RUNX2: variants seen among roughly 807,000 people sequenced by gnomAD.
The protein encoded by RUNX2 is runt-related transcription factor 2.
RUNX2 carries 10 observed loss-of-function variants against 51.7 expected under a neutral mutation model. The observed-to-expected ratio is 0.19, with a 90% CI of 0.12 to 0.33. RUNX2 has a LOEUF of 0.33. RUNX2 is among the 10% of genes least tolerant of loss of function. The pLI, the probability that RUNX2 is intolerant of heterozygous loss-of-function variation, is 1.00. For synonymous variants in RUNX2, 276 were observed against 273.6 expected (o/e 1.01, Z -0.09); for missense variants, 562 against 691.3 (o/e 0.81, Z 2.10).
At chr6:45,397,251 C>A (rs557978553) in intron 2 of RUNX2, among the ~76,000 whole-genome samples, 1 of 151,904 alleles carries the variant, frequency 6.6e-6, no homozygotes, top group Non-Finnish European at 1.5e-5. Context: ...CTACAGGGGC[C>A]CACCACCACG....
At chr6:45,340,176 T>C (rs1415320308) in intron 2 of RUNX2, among the ~76,000 whole-genome samples, 1 of 152,176 alleles carries the variant, frequency 6.6e-6, no homozygotes. Flanking sequence ...TCTAAAGTTA[T>C]TAAACCAATA....
chr6:45,382,429 T>A (rs1797261087), intron 2 of RUNX2, among the ~76,000 whole-genome samples: 1 of 152,218 alleles, frequency 6.6e-6, no homozygotes, highest in Non-Finnish European at 1.5e-5. Context: ...ATGGGGAAGA[T>A]GTCATTTTTA....
At chr6:45,466,336 A>G (rs1443113479) in intron 5 of RUNX2, among the ~76,000 whole-genome samples, 1 of 152,130 alleles carries the variant, frequency 6.6e-6, no homozygotes, top group African/African-American at 2.4e-5. Context: ...AAAACTAAAA[A>G]TAATAACTAA....
intron 5 of RUNX2, among the ~76,000 whole-genome samples, chr6:45,438,425 G>C (rs775906241): frequency 1.3e-5 from 2 of 152,194 alleles, no homozygotes; most frequent in African/African-American, 4.8e-5. Context: ...TAGTCAAAAA[G>C]CACTGGCATG....
chr6:45,465,282 T>C (rs1799595426), intron 5 of RUNX2, among the ~76,000 whole-genome samples: 1 of 152,160 alleles, frequency 6.6e-6, no homozygotes, highest in South Asian at 2.1e-4. Flanking sequence ...CTCAGCAAGA[T>C]CATCTAAGGG....
At chr6:45,504,332 C>G (rs1380142264) in intron 6 of RUNX2, among the ~76,000 whole-genome samples, 1 of 152,216 alleles carries the variant, frequency 6.6e-6, no homozygotes, top group Non-Finnish European at 1.5e-5. Context: ...TGGTTAGCAT[C>G]ATAGCATTTT....
chr6:45,540,252 C>A (rs1802176480), intron 7 of RUNX2, among the ~76,000 whole-genome samples: 1 of 152,186 alleles, frequency 6.6e-6, no homozygotes, highest in Admixed American at 6.5e-5. Flanking sequence ...TGAAAGGTGG[C>A]TGGCCTATGC....
intron 2 of RUNX2, among the ~76,000 whole-genome samples, chr6:45,393,969 T>C (rs1797529260): frequency 6.7e-6 from 1 of 149,550 alleles, no homozygotes; most frequent in South Asian, 2.1e-4. Flanking sequence ...TGCCCAGGCG[T>C]GATCTCGGCT....
chr6:45,357,085 C>G (rs1167232197), intron 2 of RUNX2, among the ~76,000 whole-genome samples: 3 of 152,160 alleles, frequency 2.0e-5, no homozygotes, highest in Non-Finnish European at 4.4e-5. Context: ...CGGCTCACTG[C>G]AAGCTCCGCC....
Position 45,541,708 on chromosome 6 carries a change from C to T in RUNX2, c.1022-3509C>T, listed in dbSNP as rs1802234532. Among the ~76,000 whole-genome samples the T allele has an allele frequency of 2.6e-5, 4 of 152,140 alleles. No individual in the cohort carries two copies. In the South Asian group the frequency reaches 8.3e-4, roughly 32 times the overall value. On this transcript the variant is annotated intron_variant, in intron 7 of 8. Coordinates refer to ENST00000647337, the MANE Select transcript of RUNX2 (RefSeq NM_001024630.4). ...ATATGTTCAGTCTGGATTCAAGGCC[C>T]CCCTTCCTTTTTTCTGCCCTGACCT...
intron 2 of RUNX2, among the ~76,000 whole-genome samples, chr6:45,334,822 T>C (rs764533234): frequency 3.3e-5 from 5 of 151,152 alleles, no homozygotes; most frequent in African/African-American, 1.2e-4. Flanking sequence ...ATAATCAAAA[T>C]TTTTTTGCAT....
At chr6:45,439,327 G>A (rs1183738549) in intron 5 of RUNX2, among the ~76,000 whole-genome samples, 1 of 152,210 alleles carries the variant, frequency 6.6e-6, no homozygotes, top group Admixed American at 6.5e-5. Context: ...GGTGATTGCT[G>A]TACACATGTG....
intron 7 of RUNX2, among the ~76,000 whole-genome samples, chr6:45,519,820 G>A (rs1165493524): frequency 1.5e-4 from 20 of 133,930 alleles, no homozygotes; most frequent in African/African-American, 4.9e-4. Flanking sequence ...GTGTGTGTGT[G>A]TGTGTGTGTG....
chr6:45,508,104 C>T (rs1347826915), intron 6 of RUNX2, among the ~76,000 whole-genome samples: 1 of 151,920 alleles, frequency 6.6e-6, no homozygotes, highest in Admixed American at 6.6e-5. Flanking sequence ...TTAGAGAAGG[C>T]ATGGGGGTGT....
At chr6:45,375,320 G>A (rs1796630045) in intron 2 of RUNX2, among the ~76,000 whole-genome samples, 1 of 152,120 alleles carries the variant, frequency 6.6e-6, no homozygotes, top group Admixed American at 6.5e-5. Flanking sequence ...GTCCCAATTC[G>A]AACATTTTGA....
intron 7 of RUNX2, among the ~76,000 whole-genome samples, chr6:45,531,965 C>A (rs532861670): frequency 6.8e-4 from 103 of 152,034 alleles, no homozygotes; most frequent in Non-Finnish European, 1.3e-3. Flanking sequence ...TATCTCCCAT[C>A]GAATATGGGA....
At chr6:45,532,162 A>ATTTTTTTTTTT (rs3055521) in intron 7 of RUNX2, among the ~76,000 whole-genome samples, 6 of 85,126 alleles carry the variant, frequency 7.0e-5, no homozygotes, top group Non-Finnish European at 1.3e-4. Context: ...GAAAACCTAG[A>ATTTTTTTTTTT]TTTTTTTTTT....
intron 6 of RUNX2, among the ~76,000 whole-genome samples, chr6:45,508,371 G>T (rs538647738): frequency 6.6e-6 from 1 of 152,052 alleles, no homozygotes; most frequent in South Asian, 2.1e-4. Context: ...TGGGATTACA[G>T]GCATGTGCCA....
chr6:45,340,659 A>G (rs1026406964), intron 2 of RUNX2, among the ~76,000 whole-genome samples: 14 of 152,134 alleles, frequency 9.2e-5, no homozygotes, highest in Admixed American at 6.6e-4. Context: ...AAAAGTTTCA[A>G]GGAATTAGAT....
Sources: allele counts gnomAD v4.1 joint callset (sites outside exome capture counted in the v4.1 genomes callset), GRCh38; gene constraint gnomAD v4.1.1; transcripts MANE v1.5; gene names NCBI Gene and HGNC (gene_info 2026-07-23, HGNC 2026-07-21).